RASGEF1B: variants seen among roughly 807,000 people sequenced by gnomAD.
The protein encoded by RASGEF1B is ras-GEF domain-containing family member 1B.
Under a neutral mutation model 65.7 loss-of-function variants are expected in RASGEF1B, and 30 were observed. That is an observed-to-expected ratio of 0.46 (90% CI 0.34 to 0.62). The LOEUF is 0.62. RASGEF1B is among the 20% of genes least tolerant of loss of function. RASGEF1B has a pLI of 0.01. For synonymous variants in RASGEF1B, 175 were observed against 194.8 expected (o/e 0.90, Z 0.85); for missense variants, 495 against 580.1 (o/e 0.85, Z 1.51).
rs561779209 is a variant in RASGEF1B at position 81,448,225 on chromosome 4, C to T, written c.498G>A (p.Ala166=). 2.0e-5 allele frequency: 32 copies of T among 1,613,642 alleles called. No individual in the cohort carries two copies. In the South Asian group the frequency reaches 2.1e-4, roughly 11 times the overall value. The change falls in exon 5 of 14, where the codon GCG becomes GCA. Residue 166 remains alanine (A), a synonymous_variant. Coordinates refer to ENST00000264400, the MANE Select transcript of RASGEF1B (RefSeq NM_152545.3). ...MMQCLIRKLA[A]LSQYEEVLAK... ...CCAGGACTTCTTCGTACTGGCTGAG[C>T]GCAGCAAGCTTGCGGATCAGACACT...
At chr4:81,430,151 A>G (rs1016612415) in intron 13 of RASGEF1B, among the ~76,000 whole-genome samples, 2 of 152,276 alleles carry the variant, frequency 1.3e-5, no homozygotes, top group African/African-American at 4.8e-5. Context: ...GATACAAAAA[A>G]TTAGCCGGGC....
intron 10 of RASGEF1B, among the ~76,000 whole-genome samples, chr4:81,435,532 G>C (rs1313363036): frequency 1.6e-5 from 2 of 121,500 alleles, no homozygotes; most frequent in Non-Finnish European, 3.3e-5. Context: ...GCAGTAGTGC[G>C]ATCTCTGCTC....
At chr4:81,428,850 C>A (rs1185793713) in intron 13 of RASGEF1B, among the ~76,000 whole-genome samples, 1 of 152,196 alleles carries the variant, frequency 6.6e-6, no homozygotes, top group Admixed American at 6.5e-5. Flanking sequence ...AACCAATCCC[C>A]CATAAATACC....
At chr4:81,466,758 CA>C (rs748152922) in intron 1 of RASGEF1B, among the ~76,000 whole-genome samples, 3,570 of 57,462 alleles carry the variant, frequency 0.062, 272 homozygotes, top group East Asian at 0.14. Context: ...GCCTCCATGT[CA>C]AAAAAAAAAA....
chr4:81,466,069 A>G (rs1203608181), intron 1 of RASGEF1B, among the ~76,000 whole-genome samples: 2 of 152,232 alleles, frequency 1.3e-5, no homozygotes, highest in East Asian at 1.9e-4. Context: ...AAGAAAAGAA[A>G]AACACTTAAG....
In RASGEF1B at chr4:81,435,271, T is replaced by C. The variant is rs569849994; in HGVS notation, c.1105-537A>G. Among the ~76,000 whole-genome samples, 758 of 150,114 alleles carry C rather than the reference T, an allele frequency of 5.0e-3. 8 individuals are homozygous for C. The highest frequency in any genetic ancestry group is 7.0e-3 in the Non-Finnish European group (473 of 67,626). ...CTAAAAATACAAAAAATTAGCCAGG[T>C]GTGGTGGCGGGCGCCTGTAGTCCCA... On this transcript the variant is annotated intron_variant, in intron 10 of 13. Transcript: ENST00000264400.
At chr4:81,444,632 G>A (rs1721956247) in intron 8 of RASGEF1B, among the ~76,000 whole-genome samples, 2 of 152,120 alleles carry the variant, frequency 1.3e-5, no homozygotes, top group Admixed American at 6.5e-5. Flanking sequence ...CGACTCCTTG[G>A]TTCAAGCGAT....
In RASGEF1B at chr4:81,428,061, AAAAC is replaced by A. The variant is rs1409878862; in HGVS notation, c.1398-273_1398-270del. The stretch of plus-strand genomic sequence containing the variant: ...TCTTGCGTAGGTTTATATTATAACA[AAAAC>A]AAAAAAAGCAAAGATCATTAATGAT... On this transcript the variant is annotated intron_variant, in intron 13 of 13. Coordinates refer to ENST00000264400, the MANE Select transcript of RASGEF1B (RefSeq NM_152545.3). Among the ~76,000 whole-genome samples the A allele has an allele frequency of 2.6e-5, 4 of 152,370 alleles. No homozygotes were observed. In the East Asian group the frequency reaches 5.8e-4, roughly 22 times the overall value.
chr4:81,432,369 G>C lies in RASGEF1B; in HGVS notation c.1327C>G (p.Leu443Val), dbSNP rs754410201. 6.2e-7 allele frequency: 1 copy of C among 1,600,828 alleles called. No homozygotes were observed. Among genetic ancestry groups the C allele is most frequent in the Non-Finnish European group, 8.6e-7 (1 of 1,168,996 alleles). ...TCACTCTCATAAGAAGCCAAGTAGA[G>C]AGCTACAATCAAACAAAAGAAAGTG... ...LTVPVFSEDA[L>V]YLASYESEGP... Residue 443 changes from leucine to valine, a missense_variant and splice_region_variant, in exon 13 of 14, where the codon CTC becomes GTC. Physicochemically the swap from Leu to Val is conservative, Grantham distance 32. Coordinates refer to ENST00000264400, the MANE Select transcript of RASGEF1B (RefSeq NM_152545.3).
intron 4 of RASGEF1B, chr4:81,451,240 T>G (rs1349672039): frequency 1.3e-5 from 2 of 152,212 alleles, no homozygotes; most frequent in Non-Finnish European, 2.9e-5. Context: ...CTTTGCTAAG[T>G]CTTTCTCAGA....
Position 81,436,360 on chromosome 4 carries a change from C to T in RASGEF1B, c.1105-1626G>A, listed in dbSNP as rs936126307. ...TAATATGTTTTGAGACAAATATGCC[C>T]CAGGTGAAGGAGGAAATATGAATGT... is the stretch of plus-strand genomic sequence containing the variant. On this transcript the variant is annotated intron_variant, in intron 10 of 13. Coordinates refer to ENST00000264400, the MANE Select transcript of RASGEF1B (RefSeq NM_152545.3). Among the ~76,000 whole-genome samples the T allele has an allele frequency of 1.7e-4, 26 of 151,840 alleles. 1 individual carries two copies. Among genetic ancestry groups the T allele is most frequent in the Admixed American group, 1.6e-3 (24 of 15,230 alleles).
At chr4:81,445,874 G>GA (rs1211368334) in intron 6 of RASGEF1B, 36 bp from the exon 7 acceptor site, 3 of 1,502,558 alleles carry the variant, frequency 2.0e-6, no homozygotes, top group South Asian at 2.3e-5. Context: ...TGAGTTAGAG[G>GA]AAAAAAACAA....
In RASGEF1B at chr4:81,440,930, C is replaced by A; in HGVS notation, c.1009-1G>T. ...AATTGCTTGAAGGGTCCATCTGATGCTATAGATAAAAGAGAGAAGAATATT... is the reference window on the plus strand; with the variant it reads ...AATTGCTTGAAGGGTCCATCTGATGATATAGATAAAAGAGAGAAGAATATT... On this transcript the variant is annotated splice_acceptor_variant, in intron 9 of 13. Coordinates refer to ENST00000264400, the MANE Select transcript of RASGEF1B (RefSeq NM_152545.3). LOFTEE classifies it high-confidence loss of function. 6.3e-7 allele frequency: 1 copy of A among 1,584,644 alleles called. No homozygotes were observed. The highest frequency in any genetic ancestry group is 1.1e-5 in the South Asian group (1 of 90,098).
Position 81,456,803 on chromosome 4 carries a change from C to G in RASGEF1B, c.301-15G>C. The G allele has an allele frequency of 6.3e-7, 1 of 1,590,750 alleles. No individual in the cohort carries two copies. Among genetic ancestry groups the G allele is most frequent in the Non-Finnish European group, 8.6e-7 (1 of 1,168,010 alleles). ...CTCATCTGGTTCTAGGGAGAAATAG[C>G]AAATCTAATTCAGTGATATTTATCA... On this transcript the variant is annotated splice_polypyrimidine_tract_variant and intron_variant, in intron 3 of 13. Transcript: ENST00000264400.
intron 1 of RASGEF1B, among the ~76,000 whole-genome samples, chr4:81,465,934 A>G (rs529983258): frequency 6.6e-6 from 1 of 152,126 alleles, no homozygotes; most frequent in Non-Finnish European, 1.5e-5. Flanking sequence ...AAAAAGGTTT[A>G]TTTTTTTCAA....
chr4:81,435,247 T>C (rs1175147387), intron 10 of RASGEF1B, among the ~76,000 whole-genome samples: 1 of 151,046 alleles, frequency 6.6e-6, no homozygotes, highest in African/African-American at 2.4e-5. Context: ...CCGTCTCTAC[T>C]AAAAATACAA....
rs950439851 is a variant in RASGEF1B, at chr4:81,427,036, A to G, written c.*732T>C. 1 of 151,060 alleles carries G rather than the reference A, an allele frequency of 6.6e-6. No homozygotes were observed. The highest frequency in any genetic ancestry group is 2.4e-5 in the African/African-American group (1 of 41,024). The allele number at this position is 151,060 out of a possible 1,614,324, so 9.4% of individuals were successfully genotyped here. Reference sequence around the variant, plus strand: ...GTCCTTCTAGCATGTTAAGCAGTCCAATGACAAACTCTGCTTTTTATTTTC... The same window carrying G: ...GTCCTTCTAGCATGTTAAGCAGTCCGATGACAAACTCTGCTTTTTATTTTC... On this transcript the variant is annotated 3_prime_UTR_variant, in exon 14 of 14. Coordinates refer to ENST00000264400, the MANE Select transcript of RASGEF1B (RefSeq NM_152545.3).
At chr4:81,432,147 A>C (rs1721452254) in intron 13 of RASGEF1B, 152 bp downstream of exon 13, 2 of 486,010 alleles carry the variant, frequency 4.1e-6, no homozygotes, top group Non-Finnish European at 7.3e-6. Flanking sequence ...TGGTAGTGAG[A>C]ATTCTGAGCC....
At chr4:81,460,686 G>A (rs953076389) in intron 1 of RASGEF1B, among the ~76,000 whole-genome samples, 15 of 152,184 alleles carry the variant, frequency 9.9e-5, no homozygotes, top group East Asian at 1.9e-4. Context: ...AGCAGGGGGC[G>A]GCCAGGGGTG....
Sources: allele counts gnomAD v4.1 joint callset (sites outside exome capture counted in the v4.1 genomes callset), GRCh38; gene constraint gnomAD v4.1.1; transcripts MANE v1.5; gene names NCBI Gene and HGNC (gene_info 2026-07-23, HGNC 2026-07-21).